The following LHX2 variants were observed in gnomAD, a reference collection of about 807,000 sequenced individuals.
LHX2 encodes the protein LIM homeobox 2.
In LHX2, 6 loss-of-function variants were observed where a neutral mutation model predicts 33.0. The observed-to-expected ratio is 0.18, with a 90% CI of 0.10 to 0.36. LHX2 has a LOEUF of 0.36. Among genes scored for constraint, LHX2 ranks in the 10% least tolerant of loss-of-function variants. The pLI, the probability that LHX2 is intolerant of heterozygous loss-of-function variation, is 1.00. For synonymous variants in LHX2, 292 were observed against 253.1 expected (o/e 1.15, Z -1.46); for missense variants, 442 against 586.2 (o/e 0.75, Z 2.54).
rs1828718547 is a variant in LHX2, at chr9:124,032,714, G to A, written c.*7G>A. ...TCTTACCAACCTTTTCTAATGACTC[G>A]CAACCCCTCACCCCACAATTTCTTT... On this transcript the variant is annotated 3_prime_UTR_variant, in exon 5 of 5. Transcript: ENST00000373615. This position sits in a 1 kb window ranked among gnomAD's most constrained non-coding sequence, Gnocchi z 4.1. 7.7e-6 allele frequency: 12 copies of A among 1,561,152 alleles called. No homozygotes were observed. The highest frequency in any genetic ancestry group is 1.4e-5 in the African/African-American group (1 of 73,262).
rs1196772042 is a variant in LHX2 at position 124,015,443 on chromosome 9, T to C, written c.645T>C (p.Asn215=). The stretch of plus-strand genomic sequence containing the variant: ...ACCCTCTGGGTCTTCCCTACTACAA[T>C]GGCGTGGGCACTGTGCAGAAGGGGC... ...GANPLGLPYY[N]GVGTVQKGRP... The change falls in exon 3 of 5, where the codon AAT becomes AAC. Residue 215 remains asparagine (N), a synonymous_variant. Transcript: ENST00000373615. This position sits in a 1 kb window ranked among gnomAD's most constrained non-coding sequence, Gnocchi z 7.9. The C allele has an allele frequency of 6.3e-7, 1 of 1,579,390 alleles. No individual in the cohort carries two copies. The highest frequency in any genetic ancestry group is 2.3e-5 in the East Asian group (1 of 44,084).
At chr9:124,029,938 A>G (rs751727332) in intron 4 of LHX2, among the ~76,000 whole-genome samples, 3 of 152,086 alleles carry the variant, frequency 2.0e-5, no homozygotes, top group African/African-American at 4.8e-5. Context: ...TCTCTCCCCT[A>G]CAGATTTCTG....
chr9:124,017,980 G>C (rs912864042), intron 3 of LHX2, among the ~76,000 whole-genome samples: 2 of 151,794 alleles, frequency 1.3e-5, no homozygotes, highest in Non-Finnish European at 2.9e-5. Context: ...CTGGGTTTGC[G>C]CGCCGCGGCC....
Position 124,013,209 on chromosome 9 carries a change from G to A in LHX2, c.120+741G>A, listed in dbSNP as rs150731590. Reference sequence around the variant, plus strand: ...GACCTTTAGGAGGCCGCGGAGGTGGGGAGCACGGGAGAAGCTTCTCTGCTC... The same window carrying A: ...GACCTTTAGGAGGCCGCGGAGGTGGAGAGCACGGGAGAAGCTTCTCTGCTC... On this transcript the variant is annotated intron_variant, in intron 1 of 4. Coordinates refer to ENST00000373615, the MANE Select transcript of LHX2 (RefSeq NM_004789.4). 2.0e-5 allele frequency among the ~76,000 whole-genome samples: 3 copies of A among 152,378 alleles called. No homozygotes were observed. In the East Asian group the frequency reaches 5.8e-4, roughly 29 times the overall value.
In LHX2 at chr9:124,016,334, C is replaced by T. The variant is rs1859190534; in HGVS notation, c.727+809C>T. ...CTGCCCCCTCCCGCGCCCCTCCCTG[C>T]TCAGGACAGCTGCAGAGGTTCTGAG... On this transcript the variant is annotated intron_variant, in intron 3 of 4. Coordinates refer to ENST00000373615, the MANE Select transcript of LHX2 (RefSeq NM_004789.4). This position sits in a 1 kb window ranked among gnomAD's most constrained non-coding sequence, Gnocchi z 4.4. Among the ~76,000 whole-genome samples, 2 of 152,194 alleles carry T rather than the reference C, an allele frequency of 1.3e-5. No homozygotes were observed. Among genetic ancestry groups the T allele is most frequent in the Admixed American group, 6.5e-5 (1 of 15,278 alleles).
At chr9:124,030,347 C>T (rs541789441) in intron 4 of LHX2, among the ~76,000 whole-genome samples, 15 of 152,312 alleles carry the variant, frequency 9.8e-5, no homozygotes, top group Admixed American at 7.2e-4. Flanking sequence ...TCTGGAAATG[C>T]GCAACTGGAC....
chr9:124,013,946 T>TC lies in LHX2; in HGVS notation c.121-12dup. 6.2e-7 allele frequency: 1 copy of TC among 1,608,324 alleles called. No individual in the cohort carries two copies. The highest frequency in any genetic ancestry group is 1.1e-5 in the South Asian group (1 of 90,944). ...GACGCAGGCGCTGCTGTCTTCCGCC[T>TC]CCCTCCCTTCGCAGACCATGCCGTC... is the stretch of plus-strand genomic sequence containing the variant. On this transcript the variant is annotated splice_polypyrimidine_tract_variant and intron_variant, in intron 1 of 4. Coordinates refer to ENST00000373615, the MANE Select transcript of LHX2 (RefSeq NM_004789.4).
intron 3 of LHX2, among the ~76,000 whole-genome samples, chr9:124,019,433 C>T (rs1395096979): frequency 1.3e-5 from 2 of 152,146 alleles, no homozygotes; most frequent in East Asian, 1.9e-4. Context: ...GTAACAAATA[C>T]ATTTTTAGTG....
Position 124,014,076 on chromosome 9 carries a change from A to G in LHX2, c.236A>G (p.Lys79Arg), listed in dbSNP as rs1353984800. The G allele has an allele frequency of 1.2e-6, 2 of 1,613,680 alleles. No homozygotes were observed. Among genetic ancestry groups the G allele is most frequent in the Non-Finnish European group, 1.7e-6 (2 of 1,179,994 alleles). Residue 79 changes from lysine (K) to arginine (R), a missense_variant, in exon 2 of 5, where the codon AAG (lysine) becomes AGG (arginine). Lys to Arg is a conservative substitution (Grantham distance 26). Coordinates refer to ENST00000373615, the MANE Select transcript of LHX2 (RefSeq NM_004789.4). This position sits in a 1 kb window ranked among gnomAD's most constrained non-coding sequence, Gnocchi z 4.8. The stretch of plus-strand genomic sequence containing the variant: ...AAGCAGTGGCACATGCGCTGCCTCA[A>G]GTGCTGCGAGTGCAAGCTCAACCTG... ...VDKQWHMRCL[K>R]CCECKLNLES...
intron 4 of LHX2, among the ~76,000 whole-genome samples, chr9:124,025,539 C>T (rs1828606936): frequency 6.6e-6 from 1 of 151,898 alleles, no homozygotes; most frequent in African/African-American, 2.4e-5. Context: ...TCCTTCCTTC[C>T]TGTGGAAGGG....
intron 4 of LHX2, among the ~76,000 whole-genome samples, chr9:124,031,110 A>T (rs763800260): frequency 6.6e-6 from 1 of 152,126 alleles, no homozygotes; most frequent in Non-Finnish European, 1.5e-5. Flanking sequence ...CGTCCCTCAT[A>T]AGTCGATACG....
rs1859101358 is a variant in LHX2, at chr9:124,012,199, C to A, written c.-150C>A. 1.3e-6 allele frequency: 1 copy of A among 747,206 alleles called. No homozygotes were observed. The highest frequency in any genetic ancestry group is 1.7e-6 in the Non-Finnish European group (1 of 574,092). 46.3% of individuals were successfully genotyped at this position (747,206 alleles called of 1,614,324 possible). On this transcript the variant is annotated 5_prime_UTR_variant, in exon 1 of 5. Coordinates refer to ENST00000373615, the MANE Select transcript of LHX2 (RefSeq NM_004789.4). This position sits in a 1 kb window ranked among gnomAD's most constrained non-coding sequence, Gnocchi z 4.3. ...CCGCGAGCGCCCGGGGCCCGGAGCC[C>A]GGCCTGGGGGCTCAGCCGAGCTCGG...
At position 124,012,368 on chromosome 9, in the gene LHX2, CG is replaced by C; in HGVS notation, c.23del (p.Gly8AlafsTer121). On this transcript the variant is annotated frameshift_variant, in exon 1 of 5. Coordinates refer to ENST00000373615, the MANE Select transcript of LHX2 (RefSeq NM_004789.4). LOFTEE classifies it high-confidence loss of function. The surrounding 1 kb of genome is among the most constrained non-coding windows in gnomAD (Gnocchi z 4.3). The stretch of plus-strand genomic sequence containing the variant: ...GCCGCGATGCTGTTCCACAGTCTGT[CG>C]GGCCCCGAGGTGCACGGGGTCATCG... Reference protein sequence around the residue: MLFHSLSGPEVHGVIDE... With the variant: MLFHSLXGPEVHGVIDE... 6.6e-7 allele frequency: 1 copy of C among 1,523,550 alleles called. No individual in the cohort carries two copies. The allele number at this position is 1,523,550 out of a possible 1,614,324, so 94.4% of individuals were successfully genotyped here.
chr9:124,018,455 C>T (rs1424003248), intron 3 of LHX2, among the ~76,000 whole-genome samples: 1 of 152,074 alleles, frequency 6.6e-6, no homozygotes, highest in Non-Finnish European at 1.5e-5. Flanking sequence ...CCGCCCCCTG[C>T]CCTTGCCTCT....
chr9:124,015,542 C>T lies in LHX2; in HGVS notation c.727+17C>T. The T allele has an allele frequency of 6.9e-7, 1 of 1,451,854 alleles. No individual in the cohort carries two copies. The highest frequency in any genetic ancestry group is 9.1e-7 in the Non-Finnish European group (1 of 1,100,840). The allele number at this position is 1,451,854 out of a possible 1,614,324, so 89.9% of individuals were successfully genotyped here. On this transcript the variant is annotated intron_variant, in intron 3 of 4. Coordinates refer to ENST00000373615, the MANE Select transcript of LHX2 (RefSeq NM_004789.4). The surrounding 1 kb of genome is among the most constrained non-coding windows in gnomAD (Gnocchi z 7.9). Reference sequence around the variant, plus strand: ...ACAACGCTGGTGAGTGCGCGGCGCACGAAGCGCCCCCATAGGGTTGGGGGA... The same window carrying T: ...ACAACGCTGGTGAGTGCGCGGCGCATGAAGCGCCCCCATAGGGTTGGGGGA...
In LHX2 at chr9:124,029,806, C is replaced by T. The variant is rs541978103; in HGVS notation, c.934-2614C>T. On this transcript the variant is annotated intron_variant, in intron 4 of 4. Coordinates refer to ENST00000373615, the MANE Select transcript of LHX2 (RefSeq NM_004789.4). ...CACACAGGCCAGGACAGTGGCAAGG[C>T]AGCGGCACCAAGGCTCCGGCCTTCT... Among the ~76,000 whole-genome samples, 6 of 152,364 alleles carry T rather than the reference C, an allele frequency of 3.9e-5. No individual in the cohort carries two copies. In the South Asian group the frequency reaches 8.3e-4, roughly 21 times the overall value.
chr9:124,027,881 G>T (rs1828650667), intron 4 of LHX2, among the ~76,000 whole-genome samples: 1 of 150,884 alleles, frequency 6.6e-6, no homozygotes, highest in Non-Finnish European at 1.5e-5. Flanking sequence ...GCTTTATGAA[G>T]GTACAATACC....
At chr9:124,030,807 A>G (rs1828695676) in intron 4 of LHX2, among the ~76,000 whole-genome samples, 1 of 151,046 alleles carries the variant, frequency 6.6e-6, no homozygotes, top group Non-Finnish European at 1.5e-5. Context: ...AATTTTTTAT[A>G]TTTTTAGTAG....
intron 3 of LHX2, among the ~76,000 whole-genome samples, chr9:124,018,576 C>T (rs1035633897): frequency 6.6e-6 from 1 of 152,208 alleles, no homozygotes; most frequent in Non-Finnish European, 1.5e-5. Flanking sequence ...AAAAGGCCTC[C>T]CCCGCAGGGA....
Sources: allele counts gnomAD v4.1 joint callset (sites outside exome capture counted in the v4.1 genomes callset), GRCh38; gene constraint gnomAD v4.1.1; non-coding constraint Gnocchi (gnomAD v3.1); transcripts MANE v1.5; gene names NCBI Gene and HGNC (gene_info 2026-07-23, HGNC 2026-07-21).